ZFAND3: variants seen among roughly 807,000 people sequenced by gnomAD.
ZFAND3 encodes AN1-type zinc finger protein 3.
In ZFAND3, 10 loss-of-function variants were observed where a neutral mutation model predicts 29.6. The ratio of observed to expected loss-of-function variants is 0.34; its 90% confidence interval spans 0.21 to 0.57. The LOEUF is 0.57. Among genes scored for constraint, ZFAND3 ranks in the 20% least tolerant of loss-of-function variants. The probability of loss-of-function intolerance (pLI) is 0.86; values close to 1 mark genes in which losing one functional copy is unlikely to be tolerated. For synonymous variants in ZFAND3, 128 were observed against 112.6 expected (o/e 1.14, Z -0.87); for missense variants, 230 against 304.5 (o/e 0.76, Z 1.82).
At chr6:37,984,591 A>T (rs1762634450) in intron 2 of ZFAND3, among the ~76,000 whole-genome samples, 1 of 152,244 alleles carries the variant, frequency 6.6e-6, no homozygotes, top group Admixed American at 6.5e-5. Context: ...TGATTACATA[A>T]TTTGAACAAA....
chr6:37,858,980 T>C (rs1764432459), intron 1 of ZFAND3, among the ~76,000 whole-genome samples: 1 of 152,244 alleles, frequency 6.6e-6, no homozygotes, highest in African/African-American at 2.4e-5. Context: ...GCATGTATTA[T>C]TATTTTAAAA....
chr6:38,044,622 G>A (rs1222147231), intron 2 of ZFAND3, among the ~76,000 whole-genome samples: 2 of 152,124 alleles, frequency 1.3e-5, no homozygotes, highest in African/African-American at 4.8e-5. Flanking sequence ...CTATCGAATT[G>A]ATAAACAGTA....
At chr6:38,052,625 G>A (rs1372243678) in intron 2 of ZFAND3, among the ~76,000 whole-genome samples, 1 of 152,106 alleles carries the variant, frequency 6.6e-6, no homozygotes, top group African/African-American at 2.4e-5. Flanking sequence ...CCTTCTATGG[G>A]TAATCTTAAG....
chr6:37,858,843 C>T (rs767794652), intron 1 of ZFAND3, among the ~76,000 whole-genome samples: 6 of 152,196 alleles, frequency 3.9e-5, no homozygotes, highest in Non-Finnish European at 5.9e-5. Flanking sequence ...TTGGCTCTTT[C>T]GTGTTTATAG....
chr6:37,957,472 G>T (rs1488413651), intron 2 of ZFAND3, among the ~76,000 whole-genome samples: 1 of 151,460 alleles, frequency 6.6e-6, no homozygotes, highest in Non-Finnish European at 1.5e-5. Context: ...AATTAGTGAG[G>T]CACTTACTAA....
intron 2 of ZFAND3, among the ~76,000 whole-genome samples, chr6:38,056,781 C>G (rs1273951358): frequency 6.6e-6 from 1 of 152,160 alleles, no homozygotes; most frequent in Non-Finnish European, 1.5e-5. Context: ...GGAGACATTC[C>G]ATTTCTGGGT....
chr6:37,820,284 G>A (rs1763639497), intron 1 of ZFAND3, among the ~76,000 whole-genome samples: 1 of 152,152 alleles, frequency 6.6e-6, no homozygotes, highest in Admixed American at 6.5e-5. Flanking sequence ...CCTGGGCCAC[G>A]GGTGAGGGGG....
In ZFAND3 at chr6:37,819,852, C is replaced by G. The variant is rs532864475; in HGVS notation, c.-94C>G. 4 of 870,054 alleles carry G rather than the reference C, an allele frequency of 4.6e-6. No individual in the cohort carries two copies. Among genetic ancestry groups the G allele is most frequent in the Non-Finnish European group, 5.8e-6 (4 of 690,900 alleles). The allele number at this position is 870,054 out of a possible 1,614,324, so 53.9% of individuals were successfully genotyped here. On this transcript the variant is annotated 5_prime_UTR_variant, in exon 1 of 6. Coordinates refer to ENST00000287218, the MANE Select transcript of ZFAND3 (RefSeq NM_021943.3). ...CCTTCCCCCTCCCCCCGCCCCGAGC[C>G]CCCCGACGCCGCCGCCACCGCCTCC...
At chr6:37,860,316 G>T (rs1463965430) in intron 1 of ZFAND3, among the ~76,000 whole-genome samples, 1 of 151,614 alleles carries the variant, frequency 6.6e-6, no homozygotes, top group Non-Finnish European at 1.5e-5. Flanking sequence ...ATGGCCTCCA[G>T]TAGTTTTTGT....
intron 1 of ZFAND3, among the ~76,000 whole-genome samples, chr6:37,829,341 G>A (rs1008671012): frequency 1.3e-5 from 2 of 151,748 alleles, no homozygotes; most frequent in South Asian, 4.2e-4. Context: ...TTCGAGACCA[G>A]CCTGGACAAC....
intron 2 of ZFAND3, among the ~76,000 whole-genome samples, chr6:38,028,159 A>T (rs1179301442): frequency 1.3e-5 from 2 of 152,168 alleles, no homozygotes; most frequent in African/African-American, 4.8e-5. Flanking sequence ...AGGCTAAAGC[A>T]CTTCCTTCCT....
intron 4 of ZFAND3, among the ~76,000 whole-genome samples, chr6:38,084,290 A>G (rs1764717927): frequency 6.6e-6 from 1 of 152,256 alleles, no homozygotes; most frequent in South Asian, 2.1e-4. Context: ...CTAAAATCAC[A>G]TCTGGTTTCA....
intron 2 of ZFAND3, among the ~76,000 whole-genome samples, chr6:37,996,667 GA>G (rs1409898155): frequency 6.6e-6 from 1 of 152,142 alleles, no homozygotes; most frequent in Admixed American, 6.5e-5. Flanking sequence ...TATTGTAAGA[GA>G]AAAAATTTAA....
chr6:37,835,421 T>A (rs973689019), intron 1 of ZFAND3, among the ~76,000 whole-genome samples: 5 of 151,566 alleles, frequency 3.3e-5, no homozygotes, highest in Non-Finnish European at 5.9e-5. Context: ...CCTCCCAAAG[T>A]GCTGGGATTA....
At chr6:37,830,971 G>A (rs182723707) in intron 1 of ZFAND3, among the ~76,000 whole-genome samples, 2 of 151,680 alleles carry the variant, frequency 1.3e-5, no homozygotes, top group African/African-American at 4.8e-5. Flanking sequence ...CCCCTTTCTC[G>A]TCTATCCCAA....
chr6:37,931,542 C>CA lies in ZFAND3; in HGVS notation c.112+1556dup, dbSNP rs34959839. ...CTGGTAACAGAGTGAGACTCCGTCT[C>CA]AAAAAAAAAAAAACAAAAAAAAAAC... On this transcript the variant is annotated intron_variant, in intron 2 of 5. Coordinates refer to ENST00000287218, the MANE Select transcript of ZFAND3 (RefSeq NM_021943.3). Among the ~76,000 whole-genome samples the CA allele has an allele frequency of 9.1e-3, 745 of 81,540 alleles. 6 individuals carry two copies. Among genetic ancestry groups the CA allele is most frequent in the Middle Eastern group, 0.02 (3 of 148 alleles). The allele number at this position is 81,540 out of a possible 152,430, so 53.5% of individuals were successfully genotyped here.
At chr6:37,892,204 C>T (rs145192157) in intron 1 of ZFAND3, among the ~76,000 whole-genome samples, 204 of 152,224 alleles carry the variant, frequency 1.3e-3, no homozygotes, top group African/African-American at 3.9e-3. Context: ...AACTCTAATA[C>T]GTGGAAATTA....
intron 2 of ZFAND3, among the ~76,000 whole-genome samples, chr6:38,047,979 T>G (rs556632140): frequency 2.6e-5 from 4 of 151,068 alleles, no homozygotes; most frequent in Non-Finnish European, 4.4e-5. Flanking sequence ...TTTTGTTTTT[T>G]TTTTTTTTAC....
At chr6:38,150,733 G>A (rs1022843375) in intron 5 of ZFAND3, among the ~76,000 whole-genome samples, 3 of 152,152 alleles carry the variant, frequency 2.0e-5, no homozygotes, top group Non-Finnish European at 2.9e-5. Flanking sequence ...GCAAGGGGTG[G>A]CTGCCTGTTC....
Sources: allele counts gnomAD v4.1 joint callset (sites outside exome capture counted in the v4.1 genomes callset), GRCh38; gene constraint gnomAD v4.1.1; transcripts MANE v1.5; gene names NCBI Gene and HGNC (gene_info 2026-07-23, HGNC 2026-07-21).